Variants in RCAN1 observed in about 807,000 individuals in gnomAD.
The protein encoded by RCAN1 is regulator of calcineurin 1.
RCAN1 carries 11 observed loss-of-function variants against 22.9 expected under a neutral mutation model. The ratio of observed to expected loss-of-function variants is 0.48; its 90% CI spans 0.30 to 0.79. The LOEUF is 0.79. RCAN1 is among the 30% of genes least tolerant of loss of function. The pLI is 0.06. For missense variants in RCAN1, 291 were observed against 337.8 expected, an observed-to-expected ratio of 0.86 and a Z score of 1.09; for synonymous variants, 136 against 142.3, an observed-to-expected ratio of 0.96 and a Z score of 0.32.
chr21:34,614,617 G>C lies in RCAN1; in HGVS notation c.252+143C>G. On this transcript the variant is annotated intron_variant, in intron 1 of 3. Coordinates refer to ENST00000313806, the MANE Select transcript of RCAN1 (RefSeq NM_004414.7). The surrounding 1 kb of genome is among the most constrained non-coding windows in gnomAD (Gnocchi z 6.0). ...GCCGTCCCCACGCCCCAGCCCTGAC[G>C]GGTCCGCGGCCGAGCAGCCCGGGGG... The C allele has an allele frequency of 1.9e-6, 2 of 1,059,468 alleles. No homozygotes were observed. The highest frequency in any genetic ancestry group is 2.3e-6 in the Non-Finnish European group (2 of 859,862). 65.6% of individuals were successfully genotyped at this position (1,059,468 alleles called of 1,614,324 possible). A position where few individuals can be genotyped will look rare whatever the true frequency, so the allele number is the denominator to read the frequency against.
At position 34,614,337 on chromosome 21, in the gene RCAN1, T is replaced by G. The variant is rs145027498; in HGVS notation, c.252+423A>C. The G allele has an allele frequency of 4.0e-6, 4 of 990,336 alleles. No homozygotes were observed. In the East Asian group the frequency reaches 3.3e-4, roughly 82 times the overall value. 61.3% of individuals were successfully genotyped at this position (990,336 alleles called of 1,614,324 possible). ...GGGAATGCAGGGACGTCGTCCTATT[T>G]ATGAACACTGAGTCACGTCGCCGCT... On this transcript the variant is annotated intron_variant, in intron 1 of 3. Coordinates refer to ENST00000313806, the MANE Select transcript of RCAN1 (RefSeq NM_004414.7). This position sits in a 1 kb window ranked among gnomAD's most constrained non-coding sequence, Gnocchi z 6.0.
intron 3 of RCAN1, among the ~76,000 whole-genome samples, chr21:34,519,397 C>CTTTTTTTTTTTTTT (rs34152667): frequency 6.8e-5 from 7 of 102,786 alleles, no homozygotes; most frequent in Non-Finnish European, 1.1e-4. Context: ...TTCTTTCTTT[C>CTTTTTTTTTTTTTT]TTTTTTTTTT....
chr21:34,572,556 C>G (rs1987269596), intron 1 of RCAN1, among the ~76,000 whole-genome samples: 1 of 152,084 alleles, frequency 6.6e-6, no homozygotes, highest in African/African-American at 2.4e-5. Context: ...ACATTCAGAA[C>G]AACAACAACA....
chr21:34,536,237 T>C (rs902257611), intron 1 of RCAN1, among the ~76,000 whole-genome samples: 3 of 152,252 alleles, frequency 2.0e-5, no homozygotes, highest in East Asian at 3.8e-4. Flanking sequence ...GCAACATTTA[T>C]TTGGAGATTA....
In RCAN1 at chr21:34,614,707, G is replaced by C; in HGVS notation, c.252+53C>G. The C allele has an allele frequency of 1.5e-6, 2 of 1,333,696 alleles. No homozygotes were observed. The highest frequency in any genetic ancestry group is 9.6e-7 in the Non-Finnish European group (1 of 1,038,612). The allele number at this position is 1,333,696 out of a possible 1,614,324, so 82.6% of individuals were successfully genotyped here. A position where few individuals can be genotyped will look rare whatever the true frequency, so the allele number is the denominator to read the frequency against. ...GCGCTGCGACCCGCGCCGCCTCCTCGGGCAACAAGTGTCCGCCCTCCGCCC... is the reference window on the plus strand; with the variant it reads ...GCGCTGCGACCCGCGCCGCCTCCTCCGGCAACAAGTGTCCGCCCTCCGCCC... On this transcript the variant is annotated intron_variant, in intron 1 of 3. Coordinates refer to ENST00000313806, the MANE Select transcript of RCAN1 (RefSeq NM_004414.7). This position sits in a 1 kb window ranked among gnomAD's most constrained non-coding sequence, Gnocchi z 6.0.
At chr21:34,563,784 T>TAGAGAGAG (rs1249389274) in intron 1 of RCAN1, among the ~76,000 whole-genome samples, 1 of 105,770 alleles carries the variant, frequency 9.5e-6, no homozygotes. Flanking sequence ...TATATATATA[T>TAGAGAGAG]ATATATATAT....
intron 1 of RCAN1, among the ~76,000 whole-genome samples, chr21:34,565,110 T>C (rs981307579): frequency 4.6e-5 from 7 of 152,068 alleles, no homozygotes; most frequent in African/African-American, 1.7e-4. Flanking sequence ...CTGGGGAAGA[T>C]TGCTTGAGCC....
rs1181317959 is a variant in RCAN1, at chr21:34,585,089, A to G, written c.252+29671T>C. On this transcript the variant is annotated intron_variant, in intron 1 of 3. Coordinates refer to ENST00000313806, the MANE Select transcript of RCAN1 (RefSeq NM_004414.7). ...ATTTTTTTAGGAGAATTAGTAACAGAATTTCAAAAAAGTTGAATAATTTCT... is the reference window on the plus strand; with the variant it reads ...ATTTTTTTAGGAGAATTAGTAACAGGATTTCAAAAAAGTTGAATAATTTCT... Among the ~76,000 whole-genome samples, 4 of 152,336 alleles carry G rather than the reference A, an allele frequency of 2.6e-5. No individual in the cohort carries two copies. In the East Asian group the frequency reaches 7.7e-4, roughly 29 times the overall value.
intron 1 of RCAN1, among the ~76,000 whole-genome samples, chr21:34,541,037 C>T (rs945915699): frequency 2.0e-5 from 3 of 152,054 alleles, no homozygotes; most frequent in African/African-American, 7.2e-5. Flanking sequence ...TAAGCCATGA[C>T]CAGGTGCTCA....
At chr21:34,566,812 G>A (rs188397797) in intron 1 of RCAN1, among the ~76,000 whole-genome samples, 213 of 152,276 alleles carry the variant, frequency 1.4e-3, no homozygotes, top group African/African-American at 4.7e-3. Flanking sequence ...GGGAGCAGGC[G>A]TGTCACATGG....
intron 1 of RCAN1, among the ~76,000 whole-genome samples, chr21:34,571,718 G>A (rs1987239286): frequency 6.6e-6 from 1 of 152,006 alleles, no homozygotes; most frequent in South Asian, 2.1e-4. Flanking sequence ...ACCATGCCTG[G>A]CTAATTTTTT....
rs199533956 is a variant in RCAN1 at position 34,518,213 on chromosome 21, G to A, written c.630C>T (p.Ser210=). Reference sequence around the variant, plus strand: ...CACTCTCACATACATGGACCACCACGCTGGGAGTGGTGTCAGTCGCTGCGT... The same window carrying A: ...CACTCTCACATACATGGACCACCACACTGGGAGTGGTGTCAGTCGCTGCGT... ...ELHAATDTTP[S]VVVHVCESDQ... Residue 210 remains serine (S), a synonymous_variant, in exon 4 of 4, where the codon AGC becomes AGT. Coordinates refer to ENST00000313806, the MANE Select transcript of RCAN1 (RefSeq NM_004414.7). The surrounding 1 kb of genome is among the most constrained non-coding windows in gnomAD (Gnocchi z 4.2). The A allele has an allele frequency of 3.4e-5, 55 of 1,614,042 alleles. No individual in the cohort carries two copies. The highest frequency in any genetic ancestry group is 4.4e-5 in the Non-Finnish European group (52 of 1,179,976).
Position 34,540,943 on chromosome 21 carries a change from C to T in RCAN1, c.253-17233G>A, listed in dbSNP as rs183817055. Among the ~76,000 whole-genome samples, 965 of 152,158 alleles carry T rather than the reference C, an allele frequency of 6.3e-3. 11 individuals are homozygous for T. Among genetic ancestry groups the T allele is most frequent in the Non-Finnish European group, 0.011 (716 of 68,002 alleles). On this transcript the variant is annotated intron_variant, in intron 1 of 3. Transcript: ENST00000313806. ...GAGGTTGCAGTGAGCCGAGATCGCACCACTGTATTCCAGCCTGGAATACAG... is the reference window on the plus strand; with the variant it reads ...GAGGTTGCAGTGAGCCGAGATCGCATCACTGTATTCCAGCCTGGAATACAG...
At chr21:34,559,170 T>C (rs1986698080) in intron 1 of RCAN1, 1 of 152,150 alleles carries the variant, frequency 6.6e-6, no homozygotes, top group South Asian at 2.1e-4. Flanking sequence ...CCAGGAATAG[T>C]TGGAAAATTT....
intron 1 of RCAN1, among the ~76,000 whole-genome samples, chr21:34,564,757 C>T (rs989420327): frequency 6.6e-6 from 1 of 152,092 alleles, no homozygotes; most frequent in Non-Finnish European, 1.5e-5. Context: ...AAATCCTGGG[C>T]TTGACCTCTG....
At chr21:34,580,668 G>T (rs1434900515) in intron 1 of RCAN1, among the ~76,000 whole-genome samples, 5 of 152,220 alleles carry the variant, frequency 3.3e-5, no homozygotes, top group Non-Finnish European at 7.3e-5. Flanking sequence ...GTGAAGGGCT[G>T]ACTTGGCTCC....
intron 1 of RCAN1, among the ~76,000 whole-genome samples, chr21:34,571,217 C>T (rs983601352): frequency 6.6e-5 from 10 of 152,112 alleles, no homozygotes; most frequent in East Asian, 5.8e-4. Flanking sequence ...CACTTGAACC[C>T]GGGAGGCGGA....
chr21:34,573,858 T>TTACAATA (rs1269913343), intron 1 of RCAN1, among the ~76,000 whole-genome samples: 2 of 152,222 alleles, frequency 1.3e-5, no homozygotes, highest in African/African-American at 2.4e-5. Flanking sequence ...GTTGTCGCTG[T>TTACAATA]TACAATATAC....
rs1454402543 is a variant in RCAN1 at position 34,547,846 on chromosome 21, C to T, written c.253-24136G>A. 6.6e-5 allele frequency among the ~76,000 whole-genome samples: 10 copies of T among 152,286 alleles called. No individual in the cohort carries two copies. In the South Asian group the frequency reaches 1.7e-3, roughly 25 times the overall value. ...ACTTTTCAGCTTCCAGAACCGCAAA[C>T]CAAATAAATCTCTTTTATTTATAAG... On this transcript the variant is annotated intron_variant, in intron 1 of 3. Coordinates refer to ENST00000313806, the MANE Select transcript of RCAN1 (RefSeq NM_004414.7).
Sources: allele counts gnomAD v4.1 joint callset (sites outside exome capture counted in the v4.1 genomes callset), GRCh38; gene constraint gnomAD v4.1.1; non-coding constraint Gnocchi (gnomAD v3.1); transcripts MANE v1.5; gene names NCBI Gene and HGNC (gene_info 2026-07-23, HGNC 2026-07-21).